Variants in DLGAP4 observed in about 807,000 individuals in gnomAD.
DLGAP4 encodes DLG associated protein 4.
Under a neutral mutation model 86.9 loss-of-function variants are expected in DLGAP4, and 18 were observed. That is an observed-to-expected ratio of 0.21 (90% CI 0.14 to 0.31). The LOEUF (loss-of-function observed/expected upper bound fraction) is 0.31, where lower values mean the gene tolerates loss of function less well. DLGAP4 is among the 10% of genes least tolerant of loss of function. The pLI, the probability that DLGAP4 is intolerant of heterozygous loss-of-function variation, is 1.00. For missense variants in DLGAP4, 1,085 were observed against 1,362.6 expected, an observed-to-expected ratio of 0.80 and a Z score of 3.21; for synonymous variants, 548 against 574.3, an observed-to-expected ratio of 0.95 and a Z score of 0.65.
intron 2 of DLGAP4, among the ~76,000 whole-genome samples, chr20:36,424,700 C>T (rs993800818): frequency 2.6e-5 from 4 of 151,762 alleles, no homozygotes; most frequent in African/African-American, 9.7e-5. Context: ...AGGAAAGTTA[C>T]GGGCACATGG....
At chr20:36,462,614 G>C in intron 7 of DLGAP4, 1 of 1,589,526 alleles carries the variant, frequency 6.3e-7, no homozygotes, top group Non-Finnish European at 8.5e-7. Flanking sequence ...GTGGTGGGGT[G>C]TCCGGGTCGG....
intron 2 of DLGAP4, among the ~76,000 whole-genome samples, chr20:36,416,836 G>T (rs1293809156): frequency 2.6e-5 from 4 of 152,156 alleles, no homozygotes. Flanking sequence ...GGTGTGGAGA[G>T]GCCTATCCAT....
At chr20:36,464,239 T>A (rs2034236997) in intron 7 of DLGAP4, among the ~76,000 whole-genome samples, 1 of 152,176 alleles carries the variant, frequency 6.6e-6, no homozygotes, top group South Asian at 2.1e-4. Context: ...ACATTCCTTA[T>A]CCTAAGACTG....
At chr20:36,317,269 T>TA (rs1310233219) in intron 1 of DLGAP4, among the ~76,000 whole-genome samples, 16 of 30,986 alleles carry the variant, frequency 5.2e-4, no homozygotes, top group African/African-American at 3.1e-3. Context: ...CTTTCTTTCT[T>TA]TCTTTCTTAT....
chr20:36,317,935 G>C (rs2147340726), intron 1 of DLGAP4, among the ~76,000 whole-genome samples: 1 of 152,002 alleles, frequency 6.6e-6, no homozygotes, highest in East Asian at 1.9e-4. Flanking sequence ...AAGAGCCCTG[G>C]GTGTGCCCAG....
intron 1 of DLGAP4, among the ~76,000 whole-genome samples, chr20:36,364,568 G>A (rs1555894488): frequency 8.5e-5 from 13 of 152,118 alleles, no homozygotes. Flanking sequence ...CTCAGTCCCT[G>A]TCCCCACACT....
At chr20:36,505,620 A>G (rs1001710432) in intron 10 of DLGAP4, among the ~76,000 whole-genome samples, 4 of 152,128 alleles carry the variant, frequency 2.6e-5, no homozygotes, top group Admixed American at 6.6e-5. Flanking sequence ...TATCGAAAAT[A>G]TAAAAATTAG....
chr20:36,461,539 C>T, intron 7 of DLGAP4: 1 of 981,542 alleles, frequency 1.0e-6, no homozygotes, highest in East Asian at 1.1e-4. Context: ...CCGCCGCCGC[C>T]GCCGCCAGTC....
intron 2 of DLGAP4, among the ~76,000 whole-genome samples, chr20:36,377,494 C>G (rs1044716712): frequency 1.3e-5 from 2 of 152,182 alleles, no homozygotes; most frequent in Non-Finnish European, 2.9e-5. Flanking sequence ...GCATAGCAAG[C>G]GCTCGGTGAA....
intron 1 of DLGAP4, among the ~76,000 whole-genome samples, chr20:36,307,099 G>C (rs1205431779): frequency 1.3e-5 from 2 of 152,054 alleles, no homozygotes; most frequent in Non-Finnish European, 2.9e-5. Flanking sequence ...ATCTGGGGAG[G>C]GGGCGGGGGC....
At chr20:36,480,522 A>G in intron 7 of DLGAP4, among the ~76,000 whole-genome samples, 1 of 152,066 alleles carries the variant, frequency 6.6e-6, no homozygotes, top group South Asian at 2.1e-4. Flanking sequence ...TGGGCAACAT[A>G]GTGAGACCCT....
At chr20:36,381,567 C>T (rs868554581) in intron 2 of DLGAP4, among the ~76,000 whole-genome samples, 36 of 152,308 alleles carry the variant, frequency 2.4e-4, no homozygotes, top group Middle Eastern at 3.4e-3. Flanking sequence ...GAGATGGGTG[C>T]TGGGGACCTA....
intron 2 of DLGAP4, among the ~76,000 whole-genome samples, chr20:36,388,703 C>G (rs1443966241): frequency 6.6e-6 from 1 of 152,192 alleles, no homozygotes; most frequent in East Asian, 1.9e-4. Flanking sequence ...GTAATAGACC[C>G]TCTACCTCAG....
chr20:36,465,163 T>G (rs1473865225), intron 7 of DLGAP4: 2 of 129,710 alleles, frequency 1.5e-5, no homozygotes, highest in East Asian at 2.6e-4. Context: ...TCCCCCCCCA[T>G]CCCCCCCACC....
At chr20:36,316,705 C>A (rs1978308337) in intron 1 of DLGAP4, among the ~76,000 whole-genome samples, 3 of 152,248 alleles carry the variant, frequency 2.0e-5, no homozygotes, top group Non-Finnish European at 2.9e-5. Context: ...AGCTCACCAG[C>A]CCGTCCCCTT....
intron 1 of DLGAP4, among the ~76,000 whole-genome samples, chr20:36,337,435 AGCAGCTGGGGAAG>A (rs1407726176): frequency 3.3e-5 from 5 of 152,080 alleles, no homozygotes; most frequent in Admixed American, 2.0e-4. Flanking sequence ...GGGCATTCCA[AGCAGCTGGGGAAG>A]GCGGGAAGGG....
At chr20:36,388,720 G>C (rs2031687798) in intron 2 of DLGAP4, among the ~76,000 whole-genome samples, 2 of 152,336 alleles carry the variant, frequency 1.3e-5, no homozygotes, top group South Asian at 4.1e-4. Context: ...TCAGAGGGTT[G>C]ATGAGAGATG....
chr20:36,491,572 G>A (rs2035663954), intron 7 of DLGAP4, among the ~76,000 whole-genome samples: 1 of 152,062 alleles, frequency 6.6e-6, no homozygotes, highest in East Asian at 1.9e-4. Context: ...TAAAGGCTTG[G>A]ATGCACGGAG....
At chr20:36,466,602 A>G (rs975598068) in intron 7 of DLGAP4, among the ~76,000 whole-genome samples, 3 of 152,246 alleles carry the variant, frequency 2.0e-5, no homozygotes, top group African/African-American at 4.8e-5. Flanking sequence ...TCCTCACTCA[A>G]CCTGTGCTGG....
Sources: gnomAD v4.1 joint callset for allele counts (sites outside exome capture counted in the v4.1 genomes callset) on GRCh38, gnomAD v4.1.1 for gene constraint, MANE v1.5 for transcripts, NCBI Gene and HGNC (gene_info 2026-07-23, HGNC 2026-07-21) for gene names.